The following GFOD1 variants were observed in gnomAD, a reference collection of about 807,000 sequenced individuals.
GFOD1 encodes the protein glucose-fructose oxidoreductase domain-containing protein 1.
In GFOD1, 9 loss-of-function variants were observed where a neutral mutation model predicts 25.4. The observed-to-expected ratio is 0.35, with a 90% CI of 0.21 to 0.62. GFOD1 has a LOEUF of 0.62. Among genes scored for constraint, GFOD1 ranks in the 20% least tolerant of loss-of-function variants. The pLI is 0.72. For missense variants in GFOD1, 403 were observed against 556.9 expected, an observed-to-expected ratio of 0.72 and a Z score of 2.78; for synonymous variants, 253 against 245.6, an observed-to-expected ratio of 1.03 and a Z score of -0.28.
rs188865773 is a variant in GFOD1, at chr6:13,453,651, G to T, written c.253+32987C>A. The stretch of plus-strand genomic sequence containing the variant: ...AATAGAGGTAGTAGCAGAAGTGACA[G>T]AAGCAACTTAGATTTAGTGAAAGCT... On this transcript the variant is annotated intron_variant, in intron 1 of 1. Transcript: ENST00000379287. Among the ~76,000 whole-genome samples, 105 of 152,338 alleles carry T rather than the reference G, an allele frequency of 6.9e-4. 1 individual carries two copies. Among genetic ancestry groups the T allele is most frequent in the African/African-American group, 2.3e-3 (95 of 41,576 alleles).
intron 1 of GFOD1, among the ~76,000 whole-genome samples, chr6:13,434,776 C>T (rs1260258315): frequency 6.6e-6 from 1 of 152,188 alleles, no homozygotes. Flanking sequence ...TAAATAGAAG[C>T]ATAGTAGGTT....
intron 1 of GFOD1, among the ~76,000 whole-genome samples, chr6:13,429,992 T>C (rs143019505): frequency 5.7e-4 from 87 of 152,286 alleles, no homozygotes; most frequent in African/African-American, 1.9e-3. Context: ...AAGTGAAATA[T>C]ATGTCCTTCC....
At chr6:13,428,896 C>A (rs529135604) in intron 1 of GFOD1, among the ~76,000 whole-genome samples, 1 of 152,200 alleles carries the variant, frequency 6.6e-6, no homozygotes, top group Admixed American at 6.5e-5. Flanking sequence ...TATAGCTTCC[C>A]GCCTGCTTTT....
At chr6:13,432,223 CTTTTCTTTTT>C (rs1757761715) in intron 1 of GFOD1, among the ~76,000 whole-genome samples, 1 of 150,130 alleles carries the variant, frequency 6.7e-6, no homozygotes, top group African/African-American at 2.5e-5. Flanking sequence ...ATATTCTTTT[CTTTTCTTTTT>C]TTTTTTTTTT....
chr6:13,381,406 T>C (rs1278517213), intron 1 of GFOD1, among the ~76,000 whole-genome samples: 1 of 152,138 alleles, frequency 6.6e-6, no homozygotes, highest in Non-Finnish European at 1.5e-5. Flanking sequence ...TTCCACCTAA[T>C]ACAGTGAGGC....
intron 1 of GFOD1, among the ~76,000 whole-genome samples, chr6:13,436,547 G>A (rs576564345): frequency 6.6e-6 from 1 of 152,330 alleles, no homozygotes; most frequent in African/African-American, 2.4e-5. Context: ...CTGCATAATA[G>A]TGTGTTGTAT....
intron 1 of GFOD1, among the ~76,000 whole-genome samples, chr6:13,367,131 G>A (rs906275661): frequency 1.3e-5 from 2 of 152,036 alleles, no homozygotes; most frequent in Non-Finnish European, 2.9e-5. Flanking sequence ...TAGTAAAAGT[G>A]TATTATTATT....
At chr6:13,389,688 A>G (rs185115805) in intron 1 of GFOD1, among the ~76,000 whole-genome samples, 2 of 152,226 alleles carry the variant, frequency 1.3e-5, no homozygotes, top group East Asian at 1.9e-4. Context: ...GGTGCAGCAA[A>G]CCAACATGGC....
chr6:13,389,189 G>A (rs1255285134), intron 1 of GFOD1, among the ~76,000 whole-genome samples: 1 of 152,222 alleles, frequency 6.6e-6, no homozygotes, highest in African/African-American at 2.4e-5. Flanking sequence ...TTTAACCATT[G>A]TGGAAGACAG....
At chr6:13,482,192 G>C (rs188187486) in intron 1 of GFOD1, among the ~76,000 whole-genome samples, 1 of 148,318 alleles carries the variant, frequency 6.7e-6, no homozygotes, top group African/African-American at 2.5e-5. Context: ...TGTATATGCT[G>C]TATATGTAAA....
In GFOD1 at chr6:13,365,418, G is replaced by A. The variant is rs777568397; in HGVS notation, c.498C>T (p.Asp166=). The A allele has an allele frequency of 3.1e-6, 5 of 1,613,894 alleles. No individual in the cohort carries two copies. The Admixed American group carries it at 6.7e-5, about 22-fold the overall frequency. ...LGKKYNWSCD[D]LMGGGGLHSV... ...AGTGCAGGCCGCCGCCGCCCATCAA[G>A]TCGTCGCAGCTCCAGTTGTACTTCT... is the stretch of plus-strand genomic sequence containing the variant. The change falls in exon 2 of 2, where the codon GAC becomes GAT. Residue 166 remains aspartate (D), a synonymous_variant. Coordinates refer to ENST00000379287, the MANE Select transcript of GFOD1 (RefSeq NM_018988.4). The surrounding 1 kb of genome is among the most constrained non-coding windows in gnomAD (Gnocchi z 9.2).
intron 1 of GFOD1, among the ~76,000 whole-genome samples, chr6:13,422,071 T>C (rs1020880660): frequency 6.6e-6 from 1 of 152,040 alleles, no homozygotes; most frequent in Non-Finnish European, 1.5e-5. Flanking sequence ...TCCCCTCCCC[T>C]TTTTCACCTT....
chr6:13,470,229 A>G (rs751172695), intron 1 of GFOD1: 4 of 1,595,914 alleles, frequency 2.5e-6, no homozygotes, highest in Non-Finnish European at 3.4e-6. Flanking sequence ...TGGGGACTGG[A>G]AAGAAGGGCA....
At chr6:13,429,041 C>T (rs1021951035) in intron 1 of GFOD1, among the ~76,000 whole-genome samples, 1 of 152,176 alleles carries the variant, frequency 6.6e-6, no homozygotes, top group Admixed American at 6.5e-5. Context: ...CAGGACTCTA[C>T]AAACATGAGC....
At chr6:13,444,240 T>C (rs1449559692) in intron 1 of GFOD1, among the ~76,000 whole-genome samples, 5 of 152,168 alleles carry the variant, frequency 3.3e-5, no homozygotes, top group African/African-American at 1.2e-4. Context: ...CTATTATCCT[T>C]AGCAAACTAA....
At chr6:13,376,501 C>T (rs752393555) in intron 1 of GFOD1, among the ~76,000 whole-genome samples, 1 of 152,084 alleles carries the variant, frequency 6.6e-6, no homozygotes, top group Non-Finnish European at 1.5e-5. Context: ...TCTCATAAGC[C>T]ACACTACCCC....
intron 1 of GFOD1, among the ~76,000 whole-genome samples, chr6:13,413,836 T>C (rs1273624740): frequency 6.6e-6 from 1 of 152,160 alleles, no homozygotes; most frequent in African/African-American, 2.4e-5. Flanking sequence ...TCTCAAAGCT[T>C]AGTTTGGTTC....
intron 1 of GFOD1, among the ~76,000 whole-genome samples, chr6:13,413,004 G>A (rs1786105008): frequency 6.6e-6 from 1 of 152,206 alleles, no homozygotes; most frequent in African/African-American, 2.4e-5. Context: ...TACATGAGAG[G>A]CCCAAAGAAA....
chr6:13,397,233 C>G (rs1196249259), intron 1 of GFOD1, among the ~76,000 whole-genome samples: 1 of 152,136 alleles, frequency 6.6e-6, no homozygotes, highest in Non-Finnish European at 1.5e-5. Flanking sequence ...GCCATGGCGC[C>G]CAGCAAGACA....
Sources: gnomAD v4.1 joint callset for allele counts (sites outside exome capture counted in the v4.1 genomes callset) on GRCh38, gnomAD v4.1.1 for gene constraint, Gnocchi (gnomAD v3.1) non-coding constraint, MANE v1.5 for transcripts, NCBI Gene and HGNC (gene_info 2026-07-23, HGNC 2026-07-21) for gene names.